Variants in TFB1M observed in about 807,000 individuals in gnomAD.
TFB1M encodes the protein transcription factor B1, mitochondrial, also known as dimethyladenosine transferase 1, mitochondrial.
TFB1M carries 27 observed loss-of-function variants against 31.1 expected under a neutral mutation model. The observed-to-expected ratio is 0.87, with a 90% CI of 0.64 to 1.20. TFB1M has a LOEUF of 1.20. Ranked by LOEUF, TFB1M falls within the 50% of genes most tolerant of loss-of-function variation. The pLI is 0.00. For missense variants in TFB1M, 394 were observed against 418.7 expected, an observed-to-expected ratio of 0.94 and a Z score of 0.51; for synonymous variants, 166 against 151.8, an observed-to-expected ratio of 1.09 and a Z score of -0.69.
chr6:155,260,840 C>T, intron 5 of TFB1M: 1 of 276,834 alleles, frequency 3.6e-6, no homozygotes, highest in South Asian at 3.8e-5. Flanking sequence ...CTAAACTTCC[C>T]AGATAGAGAC....
chr6:155,299,371 G>A (rs921390111), intron 2 of TFB1M: 1 of 152,062 alleles, frequency 6.6e-6, no homozygotes, highest in East Asian at 1.9e-4. Context: ...TGAAGAGTTG[G>A]CACTTAATTC....
chr6:155,299,135 G>C (rs1777316343), intron 2 of TFB1M, among the ~76,000 whole-genome samples: 1 of 151,920 alleles, frequency 6.6e-6, no homozygotes, highest in Non-Finnish European at 1.5e-5. Flanking sequence ...CCTCTGACCA[G>C]AGCATCCCTA....
the TFB1M span, chr6:155,245,575 G>A: frequency 6.9e-6 from 10 of 1,455,178 alleles, no homozygotes; most frequent in Admixed American, 8.4e-5. Flanking sequence ...AAGCCAGCAC[G>A]CATTGATTAA....
At chr6:155,298,939 TAC>T (rs571890651) in intron 2 of TFB1M, among the ~76,000 whole-genome samples, 163 of 152,296 alleles carry the variant, frequency 1.1e-3, no homozygotes, top group African/African-American at 3.8e-3. Context: ...TATCATGAAA[TAC>T]AGAGAATTAA....
At chr6:155,244,767 C>A in the TFB1M span, 2 of 1,612,804 alleles carry the variant, frequency 1.2e-6, no homozygotes, top group Non-Finnish European at 1.7e-6. Context: ...ACCCTAGAAA[C>A]CCCCTCACAG....
intron 4 of TFB1M, 99 bp downstream of exon 4, chr6:155,296,854 T>C (rs1777199274): frequency 4.3e-6 from 5 of 1,173,390 alleles, no homozygotes; most frequent in South Asian, 2.6e-5. Flanking sequence ...TAATAAGATA[T>C]TAACTTAGAA....
chr6:155,296,216 C>T (rs1164905829), intron 4 of TFB1M, among the ~76,000 whole-genome samples: 1 of 151,926 alleles, frequency 6.6e-6, no homozygotes, highest in Non-Finnish European at 1.5e-5. Flanking sequence ...TAATGAGACC[C>T]TCAATCCCCT....
the TFB1M span, among the ~76,000 whole-genome samples, chr6:155,242,619 G>C: frequency 6.6e-6 from 1 of 152,224 alleles, no homozygotes; most frequent in Non-Finnish European, 1.5e-5. Context: ...AAGTGAGGGA[G>C]TTATTATAGC....
downstream of TFB1M, chr6:155,254,683 G>T: frequency 1.4e-6 from 2 of 1,390,296 alleles, no homozygotes; most frequent in Non-Finnish European, 9.8e-7. Flanking sequence ...AGTCATCGAG[G>T]TACCTTTATC....
intron 4 of TFB1M, among the ~76,000 whole-genome samples, chr6:155,296,277 C>T (rs549006448): frequency 2.3e-4 from 35 of 151,806 alleles, no homozygotes; most frequent in African/African-American, 6.3e-4. Flanking sequence ...CATGCCCCGC[C>T]GAGACAGAGT....
intron 2 of TFB1M, chr6:155,303,174 AG>A (rs1044609792): frequency 6.6e-6 from 1 of 152,238 alleles, no homozygotes; most frequent in African/African-American, 2.4e-5. Context: ...CACAACGTAC[AG>A]GTATGCCAAC....
rs778826760 is a variant in TFB1M, at chr6:155,257,840, A to G, written c.1037T>C (p.Leu346Pro). 6.2e-7 allele frequency: 1 copy of G among 1,614,136 alleles called. No individual in the cohort carries two copies. Among genetic ancestry groups the G allele is most frequent in the Non-Finnish European group, 8.5e-7 (1 of 1,179,980 alleles). ...CTGCTCGCCCCCAGGCAGCAGCTAG[A>G]GTCTGTAATTCTCTGCGTCATCCTC... ...KEEDDAENYR[L>P] Residue 346 changes from leucine to proline, a missense_variant, in exon 7 of 7, where the codon CTC (leucine) becomes CCC (proline). By Grantham distance (98) the Leu-to-Pro change is moderately conservative. Around this residue, in one of 3 missense-constraint regions of TFB1M, gnomAD observed 6 missense variants for 18.1 expected, o/e 0.33. Coordinates refer to ENST00000367166, the MANE Select transcript of TFB1M (RefSeq NM_016020.4).
chr6:155,302,561 T>C (rs528152797), intron 2 of TFB1M, among the ~76,000 whole-genome samples: 14 of 152,290 alleles, frequency 9.2e-5, no homozygotes, highest in African/African-American at 2.9e-4. Flanking sequence ...ACTTGAATTG[T>C]ATTAAAAATG....
At chr6:155,240,704 G>C in the TFB1M span, 28 of 1,610,666 alleles carry the variant, frequency 1.7e-5, no homozygotes, top group African/African-American at 1.1e-4. Context: ...GAAGTCCTAC[G>C]TGAAGGTAAG....
the TFB1M span, among the ~76,000 whole-genome samples, chr6:155,249,148 A>C: frequency 6.6e-6 from 1 of 152,188 alleles, no homozygotes; most frequent in Non-Finnish European, 1.5e-5. Context: ...AAAATGCTGA[A>C]TTGGGAGAAA....
intron 2 of TFB1M, among the ~76,000 whole-genome samples, chr6:155,307,199 A>C (rs1017721556): frequency 6.6e-6 from 1 of 152,112 alleles, no homozygotes; most frequent in African/African-American, 2.4e-5. Flanking sequence ...AGTAATTTGT[A>C]CACTTTAAGT....
chr6:155,296,002 G>A (rs372833970), intron 4 of TFB1M, among the ~76,000 whole-genome samples: 18 of 152,052 alleles, frequency 1.2e-4, no homozygotes, highest in African/African-American at 4.3e-4. Context: ...GTATACTCTT[G>A]TACTTATATG....
At chr6:155,253,058 CTG>C (rs1783767199), downstream of TFB1M, 1 of 1,611,658 alleles carries the variant, frequency 6.2e-7, no homozygotes, top group Admixed American at 1.7e-5. Context: ...CAGCAGGTAA[CTG>C]TTTCGTGCAG....
chr6:155,253,059 T>C (rs1390405325), downstream of TFB1M: 3 of 1,611,802 alleles, frequency 1.9e-6, no homozygotes, highest in Middle Eastern at 1.7e-4. Context: ...AGCAGGTAAC[T>C]GTTTCGTGCA....
Sources: allele counts gnomAD v4.1 joint callset (sites outside exome capture counted in the v4.1 genomes callset), GRCh38; gene constraint gnomAD v4.1.1; regional missense constraint gnomAD v4.1.1; transcripts MANE v1.5; gene names NCBI Gene and HGNC (gene_info 2026-07-23, HGNC 2026-07-21).